The following EPM2A variants were observed in gnomAD, a reference collection of about 807,000 sequenced individuals.
EPM2A encodes laforin.
In EPM2A, 21 loss-of-function variants were observed where a neutral mutation model predicts 26.5. The ratio of observed to expected loss-of-function variants is 0.79; its 90% CI spans 0.56 to 1.14. The LOEUF (loss-of-function observed/expected upper bound fraction) is 1.14, where lower values mean the gene tolerates loss of function less well. Among genes scored for constraint, EPM2A ranks in the 50% most tolerant of loss-of-function variants. EPM2A has a pLI of 0.00. For missense variants in EPM2A, 458 were observed against 440.8 expected (o/e 1.04, Z -0.35); for synonymous variants, 217 against 177.6 (o/e 1.22, Z -1.76).
At position 145,627,486 on chromosome 6, in the gene EPM2A, G is replaced by A; in HGVS notation, c.926C>T (p.Ala309Val). ...AAAATCTTCTTGTGCCCGGGCCAAG[G>A]CCTCTTCGTCAATGTAGACAGCCGG... is the stretch of plus-strand genomic sequence containing the variant. ...KRPAVYIDEE[A>V]LARAQEDFFQ... The change falls in exon 4 of 4, where the codon GCC (alanine) becomes GTC (valine). Residue 309 changes from alanine (A) to valine (V), a missense_variant. Coordinates refer to ENST00000367519, the MANE Select transcript of EPM2A (RefSeq NM_005670.4). 6.2e-7 allele frequency: 1 copy of A among 1,614,230 alleles called. No individual in the cohort carries two copies. The highest frequency in any genetic ancestry group is 1.1e-5 in the South Asian group (1 of 91,082).
At chr6:145,594,641 T>A (rs917316206) in intron 2 of EPM2A, among the ~76,000 whole-genome samples, 2 of 151,960 alleles carry the variant, frequency 1.3e-5, no homozygotes, top group African/African-American at 4.8e-5. Context: ...ATATACATTT[T>A]AAAAATACTT....
rs376335620 is a variant in EPM2A, at chr6:145,719,788, A to G, written c.301+15410T>C. Among the ~76,000 whole-genome samples the G allele has an allele frequency of 2.6e-4, 40 of 152,264 alleles. No individual in the cohort carries two copies. The East Asian group carries it at 5.6e-3, about 21-fold the overall frequency. On this transcript the variant is annotated intron_variant, in intron 1 of 3. Coordinates refer to ENST00000367519, the MANE Select transcript of EPM2A (RefSeq NM_005670.4). Reference sequence around the variant, plus strand: ...CAGTACCTATCACAATTCCAGGTGTATAACTGAGCTTCCAAGTTCTTCCAT... The same window carrying G: ...CAGTACCTATCACAATTCCAGGTGTGTAACTGAGCTTCCAAGTTCTTCCAT...
intron 2 of EPM2A, among the ~76,000 whole-genome samples, chr6:145,580,540 C>T (rs1781099036): frequency 6.6e-6 from 1 of 150,682 alleles, no homozygotes; most frequent in South Asian, 2.1e-4. Context: ...TTTTATATTT[C>T]AAGGGTACAG....
At chr6:145,395,784 C>T (rs544960374) in intron 4 of EPM2A, among the ~76,000 whole-genome samples, 1 of 152,282 alleles carries the variant, frequency 6.6e-6, no homozygotes, top group Admixed American at 6.5e-5. Flanking sequence ...AACTCCCTTA[C>T]TCAATCTGAA....
intron 2 of EPM2A, among the ~76,000 whole-genome samples, chr6:145,571,928 A>G (rs553738160): frequency 2.0e-5 from 3 of 152,324 alleles, no homozygotes; most frequent in East Asian, 3.9e-4. Context: ...GGATAAAAAT[A>G]TCTTCACAGT....
At chr6:145,436,801 G>C (rs1441345962) in intron 4 of EPM2A, among the ~76,000 whole-genome samples, 1 of 151,606 alleles carries the variant, frequency 6.6e-6, no homozygotes, top group African/African-American at 2.4e-5. Context: ...ATCTCTTGTT[G>C]AGCCTCTCTA....
At chr6:145,490,073 A>T in intron 4 of EPM2A, 1 of 1,296,788 alleles carries the variant, frequency 7.7e-7, no homozygotes, top group Non-Finnish European at 1.1e-6. Context: ...GACCTGAAGC[A>T]ATGGTAGCAC....
intron 1 of EPM2A, among the ~76,000 whole-genome samples, chr6:145,697,114 T>C (rs963541945): frequency 6.6e-6 from 1 of 152,100 alleles, no homozygotes; most frequent in East Asian, 1.9e-4. Flanking sequence ...ACCCCCGATA[T>C]TTCACGTAGG....
At chr6:145,521,814 T>A (rs891066184) in intron 2 of EPM2A, among the ~76,000 whole-genome samples, 10 of 152,182 alleles carry the variant, frequency 6.6e-5, no homozygotes. Flanking sequence ...AGGGATTGGA[T>A]GTATTGATAA....
intron 2 of EPM2A, among the ~76,000 whole-genome samples, chr6:145,677,632 C>T (rs1456606801): frequency 2.6e-5 from 4 of 152,116 alleles, no homozygotes; most frequent in Non-Finnish European, 5.9e-5. Context: ...TTCCTATACA[C>T]GAATAATAGA....
rs201307634 is a variant in EPM2A, at chr6:145,564,773, TG to T, written c.341-62199del. ...ATACACAGATCTTGTGGGTATATGG[TG>T]GGGGGGGGCAGGGGGTGTGGAGGGA... On this transcript the variant is annotated intron_variant, in intron 2 of 3. Transcript: ENST00000450221. Among the ~76,000 whole-genome samples the T allele has an allele frequency of 7.2e-3, 189 of 26,294 alleles. 1 individual carries two copies. In the East Asian group the frequency reaches 0.11, roughly 15 times the overall value. 17.2% of individuals were successfully genotyped at this position (26,294 alleles called of 152,430 possible). A position where few individuals can be genotyped will look rare whatever the true frequency, so the allele number is the denominator to read the frequency against.
chr6:145,583,217 G>A (rs935295935), intron 2 of EPM2A, among the ~76,000 whole-genome samples: 4 of 152,200 alleles, frequency 2.6e-5, no homozygotes, highest in Admixed American at 6.5e-5. Context: ...TCATTTGGAG[G>A]TAAGAAGACA....
intron 2 of EPM2A, among the ~76,000 whole-genome samples, chr6:145,658,613 A>G (rs1359494150): frequency 6.6e-6 from 1 of 152,186 alleles, no homozygotes; most frequent in Non-Finnish European, 1.5e-5. Context: ...AATACAAATT[A>G]ATAAGCAAGA....
At chr6:145,457,879 T>C (rs1779281644) in intron 4 of EPM2A, among the ~76,000 whole-genome samples, 1 of 152,206 alleles carries the variant, frequency 6.6e-6, no homozygotes, top group Non-Finnish European at 1.5e-5. Flanking sequence ...ATTATTAAGA[T>C]CTATTCAAAT....
rs183873264 is a variant in EPM2A, at chr6:145,722,758, G to T, written c.301+12440C>A. On this transcript the variant is annotated intron_variant, in intron 1 of 3. Transcript: ENST00000367519. ...ATAAAGTTAAAATGAGGTAATTAGG[G>T]GTGGCCCCAATCCAATATGATTAGT... 9.0e-4 allele frequency: 410 copies of T among 453,784 alleles called. 4 individuals are homozygous for T. Among genetic ancestry groups the T allele is most frequent in the African/African-American group, 7.0e-3 (349 of 49,900 alleles). 28.1% of individuals were successfully genotyped at this position (453,784 alleles called of 1,614,324 possible).
rs891504827 is a variant in EPM2A, at chr6:145,507,070, A to G, written c.341-4495T>C. Among the ~76,000 whole-genome samples the G allele has an allele frequency of 1.5e-4, 23 of 152,182 alleles. 1 individual carries two copies. ...GCATGGGCCACCACACCCAGCCAAG[A>G]CTGTGGTTTTAAAGAAAGAGATGAG... On this transcript the variant is annotated intron_variant, in intron 2 of 3. Transcript: ENST00000450221.
intron 4 of EPM2A, among the ~76,000 whole-genome samples, chr6:145,390,073 A>G (rs1427907076): frequency 1.3e-5 from 2 of 152,234 alleles, no homozygotes; most frequent in Non-Finnish European, 2.9e-5. Flanking sequence ...AGATAGATTT[A>G]TCTTAAGAAA....
At chr6:145,501,393 T>G (rs1779887691), downstream of EPM2A, among the ~76,000 whole-genome samples, 1 of 152,206 alleles carries the variant, frequency 6.6e-6, no homozygotes, top group African/African-American at 2.4e-5. Flanking sequence ...TGAATGGTCA[T>G]ATGTTTTCTT....
chr6:145,645,068 G>A (rs950120894), intron 2 of EPM2A, among the ~76,000 whole-genome samples: 2 of 152,164 alleles, frequency 1.3e-5, no homozygotes, highest in Admixed American at 6.6e-5. Context: ...CGTCATGAGT[G>A]CATTTGGTTA....
Sources: allele counts gnomAD v4.1 joint callset (sites outside exome capture counted in the v4.1 genomes callset), GRCh38; gene constraint gnomAD v4.1.1; transcripts MANE v1.5; gene names NCBI Gene and HGNC (gene_info 2026-07-23, HGNC 2026-07-21).